GUCY1A2: variants seen among roughly 807,000 people sequenced by gnomAD.
The protein encoded by GUCY1A2 is guanylate cyclase soluble subunit alpha-2.
A neutral mutation model predicts 63.5 loss-of-function variants in GUCY1A2; 27 were observed. That is an observed-to-expected ratio of 0.43 (90% CI 0.31 to 0.59). The LOEUF (loss-of-function observed/expected upper bound fraction) is 0.59, where lower values mean the gene tolerates loss of function less well. Ranked by LOEUF, GUCY1A2 falls within the 20% of genes least tolerant of loss-of-function variation. GUCY1A2 has a pLI of 0.11. For missense variants in GUCY1A2, 768 were observed against 913.3 expected (o/e 0.84, Z 2.05); for synonymous variants, 364 against 343.5 (o/e 1.06, Z -0.66).
chr11:106,891,022 G>A (rs556304482), intron 4 of GUCY1A2, among the ~76,000 whole-genome samples: 16 of 152,250 alleles, frequency 1.1e-4, no homozygotes, highest in Admixed American at 3.3e-4. Flanking sequence ...TCATAGGGTA[G>A]AAGTATGATT....
intron 4 of GUCY1A2, among the ~76,000 whole-genome samples, chr11:106,832,211 C>T (rs894317768): frequency 6.6e-6 from 1 of 151,968 alleles, no homozygotes; most frequent in Non-Finnish European, 1.5e-5. Flanking sequence ...GTTTGCATTC[C>T]AGTCAGATGG....
At chr11:106,981,740 CA>C (rs112728854) in intron 2 of GUCY1A2, among the ~76,000 whole-genome samples, 6,899 of 128,330 alleles carry the variant, frequency 0.054, 159 homozygotes, top group South Asian at 0.073. Flanking sequence ...AAATTTCAGT[CA>C]AAAAAAAAAA....
At chr11:106,788,149 A>G (rs1342256094) in intron 5 of GUCY1A2, among the ~76,000 whole-genome samples, 1 of 151,962 alleles carries the variant, frequency 6.6e-6, no homozygotes, top group Non-Finnish European at 1.5e-5. Flanking sequence ...GATATTAAGC[A>G]TTTTTTCATA....
rs539943253 is a variant in GUCY1A2 at position 106,682,575 on chromosome 11, A to G, written c.*4974T>C. 8.5e-5 allele frequency: 18 copies of G among 212,730 alleles called. No homozygotes were observed. The highest frequency in any genetic ancestry group is 4.1e-4 in the African/African-American group (18 of 44,356). The allele number at this position is 212,730 out of a possible 1,614,324, so 13.2% of individuals were successfully genotyped here. On this transcript the variant is annotated 3_prime_UTR_variant, in exon 8 of 8. Transcript: ENST00000526355. ...GATGGCAATGAGGTACTTAACTGAA[A>G]CCGTGATCTGGTTATAACATATTAG... is the stretch of plus-strand genomic sequence containing the variant.
intron 4 of GUCY1A2, among the ~76,000 whole-genome samples, chr11:106,901,949 T>C (rs1860140171): frequency 6.6e-6 from 1 of 152,112 alleles, no homozygotes; most frequent in South Asian, 2.1e-4. Context: ...ATAACATGTA[T>C]ATTTATTGCG....
chr11:106,850,663 GT>G (rs2135450242), intron 4 of GUCY1A2, among the ~76,000 whole-genome samples: 1 of 151,962 alleles, frequency 6.6e-6, no homozygotes, highest in East Asian at 1.9e-4. Flanking sequence ...GCTCATTCAT[GT>G]TGTTGCAAAT....
chr11:107,015,747 T>A (rs1176627890), intron 1 of GUCY1A2, among the ~76,000 whole-genome samples: 1 of 152,056 alleles, frequency 6.6e-6, no homozygotes, highest in African/African-American at 2.4e-5. Context: ...ACGCTCGGGG[T>A]CATTGGACTC....
chr11:106,976,029 T>G (rs939011463), intron 3 of GUCY1A2, among the ~76,000 whole-genome samples: 3 of 152,192 alleles, frequency 2.0e-5, no homozygotes, highest in Non-Finnish European at 4.4e-5. Context: ...TATGATCATA[T>G]CTTGTGATCT....
chr11:106,759,833 G>C (rs756851411), intron 6 of GUCY1A2, among the ~76,000 whole-genome samples: 9 of 152,230 alleles, frequency 5.9e-5, no homozygotes, highest in Non-Finnish European at 1.3e-4. Context: ...TACTGGGGAG[G>C]CTGAGACAGG....
chr11:106,708,746 T>TTAATAA (rs997340284), intron 6 of GUCY1A2, 80 bp from the exon 7 acceptor site: 3 of 785,566 alleles, frequency 3.8e-6, no homozygotes, highest in Non-Finnish European at 5.6e-6. Context: ...GCACTGCTAA[T>TTAATAA]TAATAATAAT....
intron 4 of GUCY1A2, among the ~76,000 whole-genome samples, chr11:106,832,496 G>A (rs1160541819): frequency 1.3e-5 from 2 of 152,108 alleles, no homozygotes; most frequent in Non-Finnish European, 1.5e-5. Context: ...ATGTGTCCAG[G>A]GTCTACGGCT....
At chr11:106,874,860 T>G (rs1859728643) in intron 4 of GUCY1A2, among the ~76,000 whole-genome samples, 1 of 152,106 alleles carries the variant, frequency 6.6e-6, no homozygotes. Context: ...TGGATGAGAA[T>G]CAAGACTGAT....
intron 7 of GUCY1A2, among the ~76,000 whole-genome samples, chr11:106,702,922 G>A (rs570174214): frequency 1.3e-5 from 2 of 152,258 alleles, no homozygotes; most frequent in East Asian, 1.9e-4. Flanking sequence ...AGGATGCAAA[G>A]TATTGTTCTT....
At position 106,749,021 on chromosome 11, in the gene GUCY1A2, C is replaced by A. The variant is rs368167368; in HGVS notation, c.1836+27418G>T. The stretch of plus-strand genomic sequence containing the variant: ...GGGCTCACATATACAATGGCAATCC[C>A]TTAAGATTATAATACTGTATTTTCA... On this transcript the variant is annotated intron_variant, in intron 6 of 7. Coordinates refer to ENST00000526355, the MANE Select transcript of GUCY1A2 (RefSeq NM_000855.3). 1.4e-3 allele frequency among the ~76,000 whole-genome samples: 217 copies of A among 152,158 alleles called. 1 individual carries two copies. Among genetic ancestry groups the A allele is most frequent in the Non-Finnish European group, 2.6e-3 (178 of 68,002 alleles).
Position 106,795,351 on chromosome 11 carries a change from C to T in GUCY1A2, c.1692+14642G>A, listed in dbSNP as rs140758350. 2.9e-3 allele frequency among the ~76,000 whole-genome samples: 446 copies of T among 152,232 alleles called. 1 individual carries two copies. Among genetic ancestry groups the T allele is most frequent in the Non-Finnish European group, 5.3e-3 (358 of 68,008 alleles). On this transcript the variant is annotated intron_variant, in intron 5 of 7. Transcript: ENST00000526355. ...CCCGACTGGATATGAGGCGATGACA[C>T]TAATTATGGAATTTGGTAAGGGAAA...
intron 4 of GUCY1A2, chr11:106,827,847 A>G: frequency 6.2e-7 from 1 of 1,600,576 alleles, no homozygotes; most frequent in Non-Finnish European, 8.6e-7. Context: ...GCCGCCGACC[A>G]CCATGAACTT....
Position 106,926,877 on chromosome 11 carries a change from C to A in GUCY1A2, c.1206+12583G>T, listed in dbSNP as rs141437416. ...AGTGTCCAATGATCCCCATCAGGAA[C>A]AGCACAATAATCTTTTTTCTCTATT... On this transcript the variant is annotated intron_variant, in intron 4 of 7. Coordinates refer to ENST00000526355, the MANE Select transcript of GUCY1A2 (RefSeq NM_000855.3). 5.1e-4 allele frequency among the ~76,000 whole-genome samples: 78 copies of A among 151,484 alleles called. No homozygotes were observed. In the East Asian group the frequency reaches 0.015, roughly 29 times the overall value.
intron 5 of GUCY1A2, among the ~76,000 whole-genome samples, 188 bp downstream of exon 5, chr11:106,809,805 A>G (rs1487889): frequency 0.33 from 49,972 of 151,946 alleles, 8,822 homozygotes; most frequent in Admixed American, 0.45. Context: ...ACAGTTATCT[A>G]TGTCAACACA....
intron 6 of GUCY1A2, among the ~76,000 whole-genome samples, chr11:106,741,380 C>T (rs1183166347): frequency 6.6e-6 from 1 of 152,128 alleles, no homozygotes; most frequent in Non-Finnish European, 1.5e-5. Context: ...AGCTCTGGAG[C>T]TGCACACTGA....
Sources: allele counts gnomAD v4.1 joint callset (sites outside exome capture counted in the v4.1 genomes callset), GRCh38; gene constraint gnomAD v4.1.1; transcripts MANE v1.5; gene names NCBI Gene and HGNC (gene_info 2026-07-23, HGNC 2026-07-21).